The following GPC5 variants were observed in gnomAD, a reference collection of about 807,000 sequenced individuals.
The protein encoded by GPC5 is glypican-5.
GPC5 carries 47 observed loss-of-function variants against 53.9 expected under a neutral mutation model. The ratio of observed to expected loss-of-function variants is 0.87; its 90% CI spans 0.69 to 1.11. The LOEUF (loss-of-function observed/expected upper bound fraction) is 1.11, where lower values mean the gene tolerates loss of function less well. Among genes scored for constraint, GPC5 ranks in the 50% most tolerant of loss-of-function variants. The pLI, the probability that GPC5 is intolerant of heterozygous loss-of-function variation, is 0.00. For missense variants in GPC5, 748 were observed against 713.1 expected (o/e 1.05, Z -0.56); for synonymous variants, 286 against 263.3 (o/e 1.09, Z -0.84).
chr13:92,309,222 A>T (rs925178353), intron 7 of GPC5, among the ~76,000 whole-genome samples: 1 of 152,078 alleles, frequency 6.6e-6, no homozygotes, highest in Non-Finnish European at 1.5e-5. Flanking sequence ...GAGCTGTGGT[A>T]TACCGCAATG....
intron 7 of GPC5, among the ~76,000 whole-genome samples, chr13:92,307,042 G>A (rs1191878990): frequency 6.6e-6 from 1 of 152,176 alleles, no homozygotes; most frequent in Non-Finnish European, 1.5e-5. Flanking sequence ...GCAAGAGCCA[G>A]AGCCAATGAA....
chr13:92,081,563 T>C lies in GPC5; in HGVS notation c.1402-63267T>C, dbSNP rs571494593. 1.8e-4 allele frequency among the ~76,000 whole-genome samples: 27 copies of C among 152,330 alleles called. 1 individual carries two copies. Among genetic ancestry groups the C allele is most frequent in the South Asian group, 1.2e-3 (6 of 4,832 alleles). The stretch of plus-strand genomic sequence containing the variant: ...TGATTGTACTCTGAGGACCCTTTAC[T>C]AGTGCCAGATGAGGATGGTCTGTTC... On this transcript the variant is annotated intron_variant, in intron 6 of 7. Coordinates refer to ENST00000377067, the MANE Select transcript of GPC5 (RefSeq NM_004466.6).
At position 92,642,056 on chromosome 13, in the gene GPC5, GA is replaced by G. The variant is rs781759040; in HGVS notation, c.1562-224217del. Among the ~76,000 whole-genome samples, 46 of 150,988 alleles carry G rather than the reference GA, an allele frequency of 3.0e-4. 1 individual carries two copies. Among genetic ancestry groups the G allele is most frequent in the South Asian group, 6.3e-4 (3 of 4,784 alleles). On this transcript the variant is annotated intron_variant, in intron 7 of 7. Coordinates refer to ENST00000377067, the MANE Select transcript of GPC5 (RefSeq NM_004466.6). ...CTCATTTTCACTGCTGGTGTTGACA[GA>G]AAAAAAAATATTTCAAAAATAGAAG... is the stretch of plus-strand genomic sequence containing the variant.
intron 7 of GPC5, among the ~76,000 whole-genome samples, chr13:92,620,488 G>C (rs1230204916): frequency 6.6e-6 from 1 of 152,050 alleles, no homozygotes; most frequent in Admixed American, 6.6e-5. Context: ...GTAATATAAA[G>C]TCACTGATGA....
At chr13:92,315,364 A>G (rs534203063) in intron 7 of GPC5, among the ~76,000 whole-genome samples, 15 of 152,156 alleles carry the variant, frequency 9.9e-5, no homozygotes, top group African/African-American at 3.6e-4. Flanking sequence ...ATTGGTAAGG[A>G]CACCCTCTCA....
intron 5 of GPC5, among the ~76,000 whole-genome samples, chr13:91,771,828 A>G (rs570701260): frequency 1.3e-5 from 2 of 152,358 alleles, no homozygotes; most frequent in Non-Finnish European, 2.9e-5. Context: ...TTACTTCAGA[A>G]CAATAGAAAT....
chr13:91,873,977 AGCCTGGG>A (rs1026103383), intron 5 of GPC5, among the ~76,000 whole-genome samples: 1 of 152,192 alleles, frequency 6.6e-6, no homozygotes, highest in Non-Finnish European at 1.5e-5. Flanking sequence ...CCACATGCCC[AGCCTGGG>A]GCAAGTTATT....
At chr13:92,551,962 T>C (rs1237064697) in intron 7 of GPC5, among the ~76,000 whole-genome samples, 2 of 151,924 alleles carry the variant, frequency 1.3e-5, no homozygotes, top group African/African-American at 2.4e-5. Flanking sequence ...GATACTAATA[T>C]GCATTAATTT....
At chr13:91,553,113 T>C (rs775941286) in intron 2 of GPC5, among the ~76,000 whole-genome samples, 1 of 152,074 alleles carries the variant, frequency 6.6e-6, no homozygotes, top group Admixed American at 6.6e-5. Flanking sequence ...AGAGTAAATA[T>C]AAATGATTTG....
chr13:92,626,335 G>A (rs1235682532), intron 7 of GPC5, among the ~76,000 whole-genome samples: 2 of 152,154 alleles, frequency 1.3e-5, no homozygotes, highest in East Asian at 1.9e-4. Context: ...AGACTCATGC[G>A]GTGGGGAGGC....
intron 7 of GPC5, among the ~76,000 whole-genome samples, chr13:92,523,741 C>T (rs1881159549): frequency 6.6e-6 from 1 of 152,012 alleles, no homozygotes. Context: ...AGTATCAATA[C>T]TTACTCATTA....
intron 2 of GPC5, among the ~76,000 whole-genome samples, chr13:91,488,887 C>T (rs1395981532): frequency 1.3e-5 from 2 of 152,142 alleles, no homozygotes; most frequent in African/African-American, 4.8e-5. Flanking sequence ...AAGGAACATC[C>T]CTGAGAAAGA....
At chr13:92,747,015 T>C (rs1257376063) in intron 7 of GPC5, among the ~76,000 whole-genome samples, 1 of 152,114 alleles carries the variant, frequency 6.6e-6, no homozygotes, top group Non-Finnish European at 1.5e-5. Context: ...GCGCAGGCAA[T>C]TGTAACACAA....
intron 6 of GPC5, among the ~76,000 whole-genome samples, chr13:91,999,207 CT>C (rs60161065): frequency 0.61 from 92,171 of 150,690 alleles, 28,895 homozygotes; most frequent in African/African-American, 0.75. Context: ...TCAAAATAAC[CT>C]TTTTTTTTTC....
intron 7 of GPC5, among the ~76,000 whole-genome samples, chr13:92,848,630 TCTCTGTGTGTGA>T (rs1469895230): frequency 6.6e-6 from 1 of 152,044 alleles, no homozygotes; most frequent in Admixed American, 6.6e-5. Flanking sequence ...CATATATGAC[TCTCTGTGTGTGA>T]CTCTGTGTGT....
intron 7 of GPC5, among the ~76,000 whole-genome samples, chr13:92,493,191 T>C (rs1243909265): frequency 6.6e-6 from 1 of 152,200 alleles, no homozygotes; most frequent in African/African-American, 2.4e-5. Context: ...ATCTCATATA[T>C]TGACATGTAC....
At chr13:92,708,111 A>G (rs1431458984) in intron 7 of GPC5, among the ~76,000 whole-genome samples, 1 of 152,156 alleles carries the variant, frequency 6.6e-6, no homozygotes, top group Admixed American at 6.5e-5. Flanking sequence ...TTTCTGTAGA[A>G]TCAGCATGAG....
intron 7 of GPC5, among the ~76,000 whole-genome samples, chr13:92,303,659 C>T (rs140278898): frequency 6.6e-6 from 1 of 152,132 alleles, no homozygotes; most frequent in African/African-American, 2.4e-5. Flanking sequence ...CATTGCCCAA[C>T]ACAAACCAAA....
chr13:92,271,381 T>C (rs558040680), intron 7 of GPC5, among the ~76,000 whole-genome samples: 1 of 152,312 alleles, frequency 6.6e-6, no homozygotes, highest in South Asian at 2.1e-4. Flanking sequence ...TGTTTCTAAC[T>C]CCACCCTTTT....
Sources: allele counts gnomAD v4.1 joint callset (sites outside exome capture counted in the v4.1 genomes callset), GRCh38; gene constraint gnomAD v4.1.1; transcripts MANE v1.5; gene names NCBI Gene and HGNC (gene_info 2026-07-23, HGNC 2026-07-21).